The following RFX3 variants were observed in gnomAD, a reference collection of about 807,000 sequenced individuals.
RFX3 encodes the protein transcription factor RFX3.
Under a neutral mutation model 98.6 loss-of-function variants are expected in RFX3, and 14 were observed. The ratio of observed to expected loss-of-function variants is 0.14; its 90% CI spans 0.09 to 0.22. RFX3 has a LOEUF of 0.22. Ranked by LOEUF, RFX3 falls within the 10% of genes least tolerant of loss-of-function variation. The probability of loss-of-function intolerance (pLI) is 1.00; values close to 1 mark genes in which losing one functional copy is unlikely to be tolerated. For synonymous variants in RFX3, 383 were observed against 328.4 expected, an observed-to-expected ratio of 1.17 and a Z score of -1.80; for missense variants, 639 against 926.9, an observed-to-expected ratio of 0.69 and a Z score of 4.03.
Position 3,225,069 on chromosome 9 carries a change from A to G in RFX3, c.2223T>C (p.Ala741=). ...AGACTGCAGTGTAGGTATTTCCTGT[A>G]GCGCTGCACTGTCTGATAGTCTGAG... ...TSTQTIRQCS[A]TGNTYTAV Residue 741 remains alanine, a synonymous_variant, in exon 17 of 17, where the codon GCT becomes GCC. Coordinates refer to ENST00000617270, the MANE Select transcript of RFX3 (RefSeq NM_001282116.2). 1.2e-6 allele frequency: 2 copies of G among 1,613,946 alleles called. No homozygotes were observed. The highest frequency in any genetic ancestry group is 1.7e-6 in the Non-Finnish European group (2 of 1,179,894).
At chr9:3,259,757 T>C (rs1018582318) in intron 13 of RFX3, among the ~76,000 whole-genome samples, 1 of 152,058 alleles carries the variant, frequency 6.6e-6, no homozygotes, top group African/African-American at 2.4e-5. Context: ...CTTAAATGCA[T>C]AAAGAAAAGA....
intron 4 of RFX3, among the ~76,000 whole-genome samples, chr9:3,311,140 T>C (rs1347629093): frequency 6.6e-6 from 1 of 152,260 alleles, no homozygotes; most frequent in Non-Finnish European, 1.5e-5. Flanking sequence ...ATAGCATTTC[T>C]GTTTTCCTGT....
At chr9:3,482,364 G>C (rs1366189724) in intron 1 of RFX3, among the ~76,000 whole-genome samples, 1 of 152,022 alleles carries the variant, frequency 6.6e-6, no homozygotes, top group African/African-American at 2.4e-5. Context: ...GAAATCCCGA[G>C]AAGACATGAC....
At chr9:3,500,990 T>C (rs1172062411) in intron 1 of RFX3, among the ~76,000 whole-genome samples, 1 of 152,200 alleles carries the variant, frequency 6.6e-6, no homozygotes, top group Non-Finnish European at 1.5e-5. Context: ...GATATCTATA[T>C]TGGCAGTGTC....
At chr9:3,497,841 T>A (rs1437095245) in intron 1 of RFX3, among the ~76,000 whole-genome samples, 1 of 152,000 alleles carries the variant, frequency 6.6e-6, no homozygotes, top group African/African-American at 2.4e-5. Flanking sequence ...GTAATCAGAG[T>A]AAGCAGTGCC....
chr9:3,489,568 T>A (rs1197601132), intron 1 of RFX3: 2 of 217,134 alleles, frequency 9.2e-6, no homozygotes, highest in Non-Finnish European at 1.6e-5. Flanking sequence ...TGCTACTGTA[T>A]CATTGGCTTA....
intron 14 of RFX3, among the ~76,000 whole-genome samples, chr9:3,255,572 A>G (rs932992992): frequency 6.6e-6 from 1 of 152,246 alleles, no homozygotes; most frequent in African/African-American, 2.4e-5. Flanking sequence ...TAAAGAAGCT[A>G]AAAAATGAAC....
Position 3,296,109 on chromosome 9 carries a change from C to T in RFX3, c.550-2851G>A, listed in dbSNP as rs1586924156. On this transcript the variant is annotated intron_variant, in intron 5 of 16. Transcript: ENST00000617270. ...ACTACAAAATTTGAAAAAGAAAATC[C>T]AATAATAGAATATTTGAAGGATACT... Among the ~76,000 whole-genome samples, 5 of 151,026 alleles carry T rather than the reference C, an allele frequency of 3.3e-5. No individual in the cohort carries two copies. In the South Asian group the frequency reaches 1.0e-3, roughly 31 times the overall value.
intron 4 of RFX3, among the ~76,000 whole-genome samples, chr9:3,303,516 G>T (rs1318696619): frequency 6.6e-6 from 1 of 151,770 alleles, no homozygotes; most frequent in Non-Finnish European, 1.5e-5. Flanking sequence ...TGTAACTTTT[G>T]ATATTATAAT....
chr9:3,239,898 G>A (rs1178600040), intron 15 of RFX3, among the ~76,000 whole-genome samples: 1 of 152,184 alleles, frequency 6.6e-6, no homozygotes, highest in Non-Finnish European at 1.5e-5. Context: ...CCGTGGCTCT[G>A]AGTTCCCTTC....
chr9:3,414,890 A>G (rs937874695), intron 1 of RFX3, among the ~76,000 whole-genome samples: 2 of 137,850 alleles, frequency 1.5e-5, no homozygotes, highest in Non-Finnish European at 3.0e-5. Flanking sequence ...ATATATAAGT[A>G]TATATATGAG....
chr9:3,291,285 T>G (rs1827296517), intron 6 of RFX3, among the ~76,000 whole-genome samples: 1 of 152,008 alleles, frequency 6.6e-6, no homozygotes, highest in South Asian at 2.1e-4. Context: ...GCAGGAAGAA[T>G]CACTTGAACC....
rs1257857184 is a variant in RFX3, at chr9:3,504,979, AAT to A, written c.-9+20766_-9+20767del. ...ATATTATATATAATATATATTATAT[AAT>A]ATATATGTTATATATATTATATAAA... On this transcript the variant is annotated intron_variant, in intron 1 of 16. Coordinates refer to ENST00000617270, the MANE Select transcript of RFX3 (RefSeq NM_001282116.2). 7.5e-4 allele frequency among the ~76,000 whole-genome samples: 61 copies of A among 81,512 alleles called. 1 individual carries two copies. Among genetic ancestry groups the A allele is most frequent in the South Asian group, 1.9e-3 (5 of 2,656 alleles). The allele number at this position is 81,512 out of a possible 152,430, so 53.5% of individuals were successfully genotyped here.
chr9:3,314,291 G>C (rs1563911313), intron 4 of RFX3, among the ~76,000 whole-genome samples: 1 of 151,792 alleles, frequency 6.6e-6, no homozygotes, highest in East Asian at 1.9e-4. Context: ...AAGTGAAAGA[G>C]AAAAAAAATC....
At chr9:3,518,381 T>C (rs767663116) in intron 1 of RFX3, among the ~76,000 whole-genome samples, 3 of 152,158 alleles carry the variant, frequency 2.0e-5, no homozygotes, top group Non-Finnish European at 2.9e-5. Flanking sequence ...AATTGATATG[T>C]TGGGGCTAAT....
chr9:3,311,666 C>T (rs1005131340), intron 4 of RFX3, among the ~76,000 whole-genome samples: 1 of 152,136 alleles, frequency 6.6e-6, no homozygotes, highest in Non-Finnish European at 1.5e-5. Flanking sequence ...AGGTGGATCA[C>T]CTGAGGTTAG....
At chr9:3,242,403 T>C (rs1236099615) in intron 15 of RFX3, among the ~76,000 whole-genome samples, 2 of 151,940 alleles carry the variant, frequency 1.3e-5, no homozygotes, top group East Asian at 3.8e-4. Flanking sequence ...TCTTCCATGA[T>C]TGTTTTTTTT....
chr9:3,511,805 C>A (rs1817687285), intron 1 of RFX3, among the ~76,000 whole-genome samples: 1 of 152,128 alleles, frequency 6.6e-6, no homozygotes, highest in Middle Eastern at 3.4e-3. Flanking sequence ...GGTCAGGATT[C>A]AAGTAAAGGA....
At chr9:3,443,003 G>T (rs1845732338) in intron 1 of RFX3, among the ~76,000 whole-genome samples, 2 of 152,080 alleles carry the variant, frequency 1.3e-5, no homozygotes, top group Non-Finnish European at 2.9e-5. Flanking sequence ...ATCCATAAAT[G>T]TAAAGAACTC....
Sources: allele counts gnomAD v4.1 joint callset (sites outside exome capture counted in the v4.1 genomes callset), GRCh38; gene constraint gnomAD v4.1.1; transcripts MANE v1.5; gene names NCBI Gene and HGNC (gene_info 2026-07-23, HGNC 2026-07-21).